Variants in MROH1 observed in about 807,000 individuals in gnomAD.
MROH1 encodes maestro heat-like repeat-containing protein family member 1.
In MROH1, 117 loss-of-function variants were observed where a neutral mutation model predicts 116.5. The observed-to-expected ratio is 1.00, with a 90% CI of 0.86 to 1.17. MROH1 has a LOEUF of 1.17. MROH1 is among the 50% of genes most tolerant of loss of function. The probability of loss-of-function intolerance (pLI) is 0.00; values close to 1 mark genes in which losing one functional copy is unlikely to be tolerated. For missense variants in MROH1, 1,873 were observed against 1,338.5 expected (o/e 1.40, Z -6.23); for synonymous variants, 921 against 583.9 (o/e 1.58, Z -8.32).
Position 144,239,234 on chromosome 8 carries a change from T to A in MROH1, c.1591+55T>A, listed in dbSNP as rs1177322719. The A allele has an allele frequency of 8.4e-6, 4 of 477,090 alleles. No individual in the cohort carries two copies. In the East Asian group the frequency reaches 1.8e-4, roughly 21 times the overall value. The allele number at this position is 477,090 out of a possible 1,614,324, so 29.6% of individuals were successfully genotyped here. On this transcript the variant is annotated intron_variant, in intron 16 of 43. Coordinates refer to ENST00000326134, the MANE Select transcript of MROH1 (RefSeq NM_032450.3). Reference sequence around the variant, plus strand: ...ACTCCTGCCCCCACTTCCCCACTCCTGCCCCCACTTCCCCATCCTCCAGTT... The same window carrying A: ...ACTCCTGCCCCCACTTCCCCACTCCAGCCCCCACTTCCCCATCCTCCAGTT...
chr8:144,259,171 G>A (rs945459852), intron 36 of MROH1, 69 bp from the exon 37 acceptor site: 78 of 704,064 alleles, frequency 1.1e-4, no homozygotes, highest in Non-Finnish European at 1.9e-4. Flanking sequence ...GGCTGTGCAG[G>A]GTGGAAGGTG....
At chr8:144,156,161 C>T (rs966968781) in intron 1 of MROH1, among the ~76,000 whole-genome samples, 3 of 149,310 alleles carry the variant, frequency 2.0e-5, no homozygotes, top group South Asian at 2.1e-4. Context: ...CACTTGAACC[C>T]GGGAGGTGGA....
chr8:144,247,336 C>G lies in MROH1; in HGVS notation c.2907C>G (p.Ile969Met). The G allele has an allele frequency of 1.3e-6, 1 of 773,092 alleles. No homozygotes were observed. Among genetic ancestry groups the G allele is most frequent in the Admixed American group, 1.7e-5 (1 of 58,444 alleles). 47.9% of individuals were successfully genotyped at this position (773,092 alleles called of 1,614,324 possible). A position where few individuals can be genotyped will look rare whatever the true frequency, so the allele number is the denominator to read the frequency against. Reference sequence around the variant, plus strand: ...CCTTCCACAACCTGGGCCTTCTCATCGGCCTCTTCTCCCCACGGTGTGCGG... The same window carrying G: ...CCTTCCACAACCTGGGCCTTCTCATGGGCCTCTTCTCCCCACGGTGTGCGG... ...LVPFHNLGLL[I>M]GLFSPRCADL... The change falls in exon 30 of 44, where the codon ATC becomes ATG. Residue 969 changes from isoleucine to methionine, a missense_variant. Transcript: ENST00000326134.
intron 10 of MROH1, among the ~76,000 whole-genome samples, chr8:144,193,655 C>G (rs1163404455): frequency 6.6e-6 from 1 of 152,182 alleles, no homozygotes; most frequent in East Asian, 1.9e-4. Context: ...GATGCCCTGG[C>G]TGGAGTGCTG....
At chr8:144,220,556 C>T (rs1348041726) in intron 12 of MROH1, 44 bp from the exon 13 acceptor site, 4 of 1,536,286 alleles carry the variant, frequency 2.6e-6, no homozygotes, top group African/African-American at 1.4e-5. Flanking sequence ...CCTTGAGGTC[C>T]TCATCTCAGT....
At chr8:144,216,508 T>C (rs1438733963) in intron 12 of MROH1, among the ~76,000 whole-genome samples, 1 of 151,972 alleles carries the variant, frequency 6.6e-6, no homozygotes, top group Non-Finnish European at 1.5e-5. Flanking sequence ...GTGTCCAGTG[T>C]CTTTGCCATC....
chr8:144,197,289 G>A (rs927483066), intron 10 of MROH1, among the ~76,000 whole-genome samples: 1 of 152,080 alleles, frequency 6.6e-6, no homozygotes, highest in African/African-American at 2.4e-5. Flanking sequence ...TCATGTGGCT[G>A]TTGGCTGGAG....
In MROH1 at chr8:144,231,165, T is replaced by C. The variant is rs558433409; in HGVS notation, c.1339-7591T>C. Among the ~76,000 whole-genome samples, 501 of 150,390 alleles carry C rather than the reference T, an allele frequency of 3.3e-3. 1 individual carries two copies. Among genetic ancestry groups the C allele is most frequent in the African/African-American group, 0.012 (484 of 40,576 alleles). On this transcript the variant is annotated intron_variant, in intron 14 of 43. Coordinates refer to ENST00000326134, the MANE Select transcript of MROH1 (RefSeq NM_032450.3). ...AACAGGATCCCAAGGCAGAAGAAGT[T>C]TTCTTAGTACAGAACAAAATGAAAA... is the stretch of plus-strand genomic sequence containing the variant.
At position 144,179,323 on chromosome 8, in the gene MROH1, G is replaced by C; in HGVS notation, c.169-132G>C. On this transcript the variant is annotated intron_variant, in intron 4 of 43. Coordinates refer to ENST00000326134, the MANE Select transcript of MROH1 (RefSeq NM_032450.3). ...CTTTTAGGGCGTGAGGAGTGATCAG[G>C]TGTACCCCTCCCCTCCTGCACTTGA... The C allele has an allele frequency of 1.5e-6, 2 of 1,339,378 alleles. 1 individual carries two copies. The highest frequency in any genetic ancestry group is 2.0e-6 in the Non-Finnish European group (2 of 983,892). 83.0% of individuals were successfully genotyped at this position (1,339,378 alleles called of 1,614,324 possible).
In MROH1 at chr8:144,164,971, T is replaced by TCCTTCAAG. The variant is rs1295175228; in HGVS notation, c.22+1128_22+1135dup. 3.0e-3 allele frequency among the ~76,000 whole-genome samples: 452 copies of TCCTTCAAG among 151,258 alleles called. 1 individual carries two copies. The highest frequency in any genetic ancestry group is 0.011 in the African/African-American group (434 of 40,624). On this transcript the variant is annotated intron_variant, in intron 3 of 43. Transcript: ENST00000326134. The stretch of plus-strand genomic sequence containing the variant: ...TGGAGGGGCTGAAGGGACTAGGATG[T>TCCTTCAAG]CCTTCAAGCCTTTGTTTGTTTGTTT...
intron 4 of MROH1, chr8:144,175,188 C>G (rs868400815): frequency 2.9e-5 from 28 of 981,950 alleles, no homozygotes; most frequent in Middle Eastern, 5.3e-4. Context: ...AGCAGCGGAT[C>G]TGGTCGAGTG....
Position 144,192,414 on chromosome 8 carries a change from C to G in MROH1, c.948+13C>G, listed in dbSNP as rs373072073. On this transcript the variant is annotated intron_variant, in intron 10 of 43. Coordinates refer to ENST00000326134, the MANE Select transcript of MROH1 (RefSeq NM_032450.3). ...ACTGCACTCCCAGGTAGGAGGCGGG[C>G]GTCAGGGGGCGGGTCCAGGTTCTGC... 3.8e-6 allele frequency: 6 copies of G among 1,568,954 alleles called. No individual in the cohort carries two copies. The highest frequency in any genetic ancestry group is 5.2e-6 in the Non-Finnish European group (6 of 1,162,316).
intron 7 of MROH1, among the ~76,000 whole-genome samples, chr8:144,189,301 G>A (rs1392399156): frequency 6.6e-6 from 1 of 152,154 alleles, no homozygotes; most frequent in Non-Finnish European, 1.5e-5. Context: ...GAAGCTCATG[G>A]TCCCTTTGTG....
Position 144,191,758 on chromosome 8 carries a change from T to C in MROH1, c.758T>C (p.Leu253Pro), listed in dbSNP as rs1828663079. The C allele has an allele frequency of 6.2e-7, 1 of 1,613,116 alleles. No homozygotes were observed. The highest frequency in any genetic ancestry group is 8.5e-7 in the Non-Finnish European group (1 of 1,179,764). ...VVEALGPMSH[L>P]LPSERLEEQL... Reference sequence around the variant, plus strand: ...GAGGCTCTGGGGCCTATGAGCCATCTGCTGCCCAGTGAGAGGCTGGAAGAG... The same window carrying C: ...GAGGCTCTGGGGCCTATGAGCCATCCGCTGCCCAGTGAGAGGCTGGAAGAG... The change falls in exon 9 of 44, where the codon CTG becomes CCG. Residue 253 changes from leucine (L) to proline (P), a missense_variant. Physicochemically the swap from Leu to Pro is moderately conservative, Grantham distance 98. Transcript: ENST00000326134.
In MROH1 at chr8:144,260,785, G is replaced by A; in HGVS notation, c.4489G>A (p.Ala1497Thr). The A allele has an allele frequency of 1.3e-6, 1 of 778,494 alleles. No homozygotes were observed. Among genetic ancestry groups the A allele is most frequent in the East Asian group, 2.4e-5 (1 of 41,254 alleles). 48.2% of individuals were successfully genotyped at this position (778,494 alleles called of 1,614,324 possible). ...CCTGGACCAGGTGGTGGGCGGGCTGGCGCCCCTGCTGCTGCACCTGCAGGA... is the reference window on the plus strand; with the variant it reads ...CCTGGACCAGGTGGTGGGCGGGCTGACGCCCCTGCTGCTGCACCTGCAGGA... ...VFLDQVVGGL[A>T]PLLLHLQDPQ... The change falls in exon 40 of 44, where the codon GCG becomes ACG. Residue 1497 changes from alanine (A) to threonine (T), a missense_variant. Coordinates refer to ENST00000326134, the MANE Select transcript of MROH1 (RefSeq NM_032450.3).
intron 4 of MROH1, among the ~76,000 whole-genome samples, chr8:144,170,562 C>T (rs899329731): frequency 1.3e-5 from 2 of 152,204 alleles, no homozygotes; most frequent in African/African-American, 2.4e-5. Flanking sequence ...GCCTAGATAG[C>T]AGGCATGGTT....
At position 144,180,289 on chromosome 8, in the gene MROH1, C is replaced by T; in HGVS notation, c.412C>T (p.Leu138=). The change falls in exon 6 of 44, where the codon CTG becomes TTG. Residue 138 remains leucine (L), a synonymous_variant. Transcript: ENST00000326134. This position sits in a 1 kb window ranked among gnomAD's most constrained non-coding sequence, Gnocchi z 7.4. ...GCTGCGCAGGCTGCACCCTGGGACC[C>T]TGCCACACTGCGCCGTGCTGCACAC... ...ELLRRLHPGT[L]PHCAVLHTLA... is the part of the protein sequence containing the mutation. The T allele has an allele frequency of 6.2e-7, 1 of 1,608,772 alleles. No homozygotes were observed. The highest frequency in any genetic ancestry group is 8.5e-7 in the Non-Finnish European group (1 of 1,179,778).
At chr8:144,216,013 C>G (rs1258690493) in intron 12 of MROH1, among the ~76,000 whole-genome samples, 1 of 151,946 alleles carries the variant, frequency 6.6e-6, no homozygotes, top group African/African-American at 2.4e-5. Flanking sequence ...GGTGAAACCC[C>G]CATCTCTACT....
intron 22 of MROH1, among the ~76,000 whole-genome samples, chr8:144,241,734 G>A (rs1350043285): frequency 6.6e-6 from 1 of 152,240 alleles, no homozygotes; most frequent in Non-Finnish European, 1.5e-5. Flanking sequence ...GCTGTGGCCA[G>A]GGCCACGTCT....
Sources: allele counts gnomAD v4.1 joint callset (sites outside exome capture counted in the v4.1 genomes callset), GRCh38; gene constraint gnomAD v4.1.1; non-coding constraint Gnocchi (gnomAD v3.1); transcripts MANE v1.5; gene names NCBI Gene and HGNC (gene_info 2026-07-23, HGNC 2026-07-21).